The following TRAF3IP2 variants were observed in gnomAD, a reference collection of about 807,000 sequenced individuals.
The protein encoded by TRAF3IP2 is E3 ubiquitin ligase TRAF3IP2.
A neutral mutation model predicts 57.9 loss-of-function variants in TRAF3IP2; 35 were observed. The observed-to-expected ratio is 0.60, with a 90% CI of 0.46 to 0.80. The LOEUF (loss-of-function observed/expected upper bound fraction) is 0.80, where lower values mean the gene tolerates loss of function less well. Ranked by LOEUF, TRAF3IP2 falls within the 30% of genes least tolerant of loss-of-function variation. The probability of loss-of-function intolerance (pLI) is 0.00; values close to 1 mark genes in which losing one functional copy is unlikely to be tolerated. For missense variants in TRAF3IP2, 556 were observed against 706.4 expected (o/e 0.79, Z 2.41); for synonymous variants, 251 against 268.9 (o/e 0.93, Z 0.65).
At chr6:111,576,622 C>T (rs1795998478) in intron 3 of TRAF3IP2, 1 of 152,218 alleles carries the variant, frequency 6.6e-6, no homozygotes, top group African/African-American at 2.4e-5. Flanking sequence ...TTGCAGTGGT[C>T]ACAGCGGTGT....
In TRAF3IP2 at chr6:111,591,498, T is replaced by C. The variant is rs1322057765; in HGVS notation, c.589A>G (p.Thr197Ala). The C allele has an allele frequency of 6.2e-7, 1 of 1,610,648 alleles. No individual in the cohort carries two copies. ...TCCTGGGGCTGGGAATCATATCCCG[T>C]GTCTATGGTTGGCAGATCCAGGCCT... Reference protein sequence around the residue: ...RAGLDLPTIDTGYDSQPQDVL... With the variant: ...RAGLDLPTIDAGYDSQPQDVL... Residue 197 changes from threonine to alanine, a missense_variant, in exon 2 of 9, where the codon ACG (threonine) becomes GCG (alanine). By Grantham distance (58) the Thr-to-Ala change is moderately conservative. Coordinates refer to ENST00000368761, the MANE Select transcript of TRAF3IP2 (RefSeq NM_147686.4). This position sits in a 1 kb window ranked among gnomAD's most constrained non-coding sequence, Gnocchi z 4.9.
At position 111,575,704 on chromosome 6, in the gene TRAF3IP2, T is replaced by A; in HGVS notation, c.1140A>T (p.Arg380Ser). 1.2e-6 allele frequency: 2 copies of A among 1,611,714 alleles called. No homozygotes were observed. Among genetic ancestry groups the A allele is most frequent in the Non-Finnish European group, 1.7e-6 (2 of 1,179,516 alleles). Residue 380 changes from arginine (R) to serine (S), a missense_variant, in exon 4 of 9, where the codon AGA becomes AGT. Physicochemically the swap from Arg to Ser is moderately radical, Grantham distance 110 (BLOSUM62 -1). Coordinates refer to ENST00000368761, the MANE Select transcript of TRAF3IP2 (RefSeq NM_147686.4). Reference sequence around the variant, plus strand: ...CTCTGGCTGGAGGGTTGCTAGGGGGTCTAGGCACAGCAGCTGGGGACGGAG... The same window carrying A: ...CTCTGGCTGGAGGGTTGCTAGGGGGACTAGGCACAGCAGCTGGGGACGGAG... ...PQPPSPAAVP[R>S]PPSNPPARGT...
intron 1 of TRAF3IP2, among the ~76,000 whole-genome samples, chr6:111,593,113 G>A (rs954607911): frequency 6.6e-6 from 1 of 152,238 alleles, no homozygotes; most frequent in African/African-American, 2.4e-5. Flanking sequence ...GCAGTCCAGA[G>A]GACTGCACAG....
At chr6:111,562,687 T>C (rs1562417696) in intron 8 of TRAF3IP2, among the ~76,000 whole-genome samples, 1 of 151,202 alleles carries the variant, frequency 6.6e-6, no homozygotes, top group African/African-American at 2.4e-5. Context: ...CTACTAAAAA[T>C]AAAAAAAATT....
At chr6:111,589,471 C>G (rs191053645) in intron 2 of TRAF3IP2, among the ~76,000 whole-genome samples, 33 of 152,320 alleles carry the variant, frequency 2.2e-4, no homozygotes, top group Admixed American at 4.6e-4. Context: ...AGAAATACAG[C>G]CTTGACCTTG....
rs534215407 is a variant in TRAF3IP2, at chr6:111,571,280, GT to G, written c.1290+1614del. ...TTTTGTAGAGATAGGGTTTCACTAT[GT>G]TGTCCAGGCTGGTCTTGAACTCCTG... On this transcript the variant is annotated intron_variant, in intron 5 of 8. Transcript: ENST00000368761. Among the ~76,000 whole-genome samples, 368 of 152,224 alleles carry G rather than the reference GT, an allele frequency of 2.4e-3. 1 individual carries two copies. The highest frequency in any genetic ancestry group is 8.6e-3 in the African/African-American group (356 of 41,542).
intron 2 of TRAF3IP2, among the ~76,000 whole-genome samples, chr6:111,585,621 T>C (rs1024372689): frequency 4.6e-5 from 7 of 152,136 alleles, no homozygotes; most frequent in African/African-American, 1.7e-4. Context: ...AGGGGAGACA[T>C]ATGAGTCGAC....
At chr6:111,584,755 G>A (rs965301146) in intron 2 of TRAF3IP2, among the ~76,000 whole-genome samples, 3 of 151,828 alleles carry the variant, frequency 2.0e-5, no homozygotes, top group Admixed American at 6.6e-5. Context: ...TTACTATGAC[G>A]AAGGCTTGCC....
At chr6:111,567,355 T>C in intron 6 of TRAF3IP2, 1 of 1,199,730 alleles carries the variant, frequency 8.3e-7, no homozygotes, top group South Asian at 2.9e-5. Flanking sequence ...TTTCCTTCTT[T>C]CCTATTCTCG....
intron 7 of TRAF3IP2, 88 bp downstream of exon 7, chr6:111,566,356 G>T (rs1795633113): frequency 1.9e-6 from 2 of 1,057,738 alleles, no homozygotes; most frequent in South Asian, 1.4e-5. Flanking sequence ...GCTGCCTTCA[G>T]CTGGTCTCTG....
Position 111,559,404 on chromosome 6 carries a change from G to A in TRAF3IP2, c.*1C>T. 1 of 1,613,070 alleles carries A rather than the reference G, an allele frequency of 6.2e-7. No individual in the cohort carries two copies. The highest frequency in any genetic ancestry group is 1.1e-5 in the South Asian group (1 of 90,978). On this transcript the variant is annotated 3_prime_UTR_variant, in exon 9 of 9. Transcript: ENST00000368761. ...CCTCAGTGATCTGGGGATGAACGGTGTCACAAGGGAACCACCTGAAGGGTG... is the reference window on the plus strand; with the variant it reads ...CCTCAGTGATCTGGGGATGAACGGTATCACAAGGGAACCACCTGAAGGGTG...
intron 1 of TRAF3IP2, 108 bp from the exon 2 acceptor site, chr6:111,592,202 T>A: frequency 1.1e-6 from 1 of 946,298 alleles, no homozygotes; most frequent in Non-Finnish European, 1.6e-6. Context: ...AAATTAACAG[T>A]GAGACACCAA....
In TRAF3IP2 at chr6:111,601,214, T is replaced by A. The variant is rs769750075; in HGVS notation, c.-9+4562A>T. 4 of 779,220 alleles carry A rather than the reference T, an allele frequency of 5.1e-6. No homozygotes were observed. In the African/African-American group the frequency reaches 6.8e-5, roughly 13 times the overall value. The allele number at this position is 779,220 out of a possible 1,614,324, so 48.3% of individuals were successfully genotyped here. On this transcript the variant is annotated intron_variant, in intron 1 of 8. Coordinates refer to ENST00000368761, the MANE Select transcript of TRAF3IP2 (RefSeq NM_147686.4). Reference sequence around the variant, plus strand: ...CATTCACCTTGAAGCTGAGGAGGCATGGAAGCAGGCCACCTGTGTTCTGTA... The same window carrying A: ...CATTCACCTTGAAGCTGAGGAGGCAAGGAAGCAGGCCACCTGTGTTCTGTA...
At chr6:111,579,316 C>CAAA (rs529040872) in intron 3 of TRAF3IP2, among the ~76,000 whole-genome samples, 20 of 69,808 alleles carry the variant, frequency 2.9e-4, no homozygotes, top group South Asian at 1.4e-3. Context: ...GGCTCCATCT[C>CAAA]AAAAAAAAAA....
chr6:111,599,296 C>A (rs2128385680), intron 1 of TRAF3IP2, among the ~76,000 whole-genome samples: 1 of 152,248 alleles, frequency 6.6e-6, no homozygotes, highest in South Asian at 2.1e-4. Flanking sequence ...CATCTTCCCT[C>A]AAATATGTCA....
intron 3 of TRAF3IP2, among the ~76,000 whole-genome samples, chr6:111,578,925 T>G (rs1459109851): frequency 6.6e-6 from 1 of 152,236 alleles, no homozygotes; most frequent in African/African-American, 2.4e-5. Flanking sequence ...TAATCTACTT[T>G]CTTCCAAATA....
chr6:111,563,143 A>G, intron 7 of TRAF3IP2, 104 bp from the exon 8 acceptor site: 1 of 797,550 alleles, frequency 1.3e-6, no homozygotes, highest in Admixed American at 2.1e-5. Context: ...TCTGATTTCC[A>G]TACTTGAGTG....
intron 5 of TRAF3IP2, among the ~76,000 whole-genome samples, chr6:111,571,078 CT>C (rs1279272695): frequency 1.5e-3 from 196 of 130,710 alleles, no homozygotes; most frequent in African/African-American, 2.2e-3. Context: ...ACTTTTTTTT[CT>C]TTTTTTTTTT....
At position 111,559,331 on chromosome 6, in the gene TRAF3IP2, C is replaced by T. The variant is rs1486080410; in HGVS notation, c.*74G>A. The T allele has an allele frequency of 1.9e-6, 3 of 1,549,002 alleles. No homozygotes were observed. The highest frequency in any genetic ancestry group is 4.0e-5 in the Admixed American group (2 of 49,928). On this transcript the variant is annotated 3_prime_UTR_variant, in exon 9 of 9. Transcript: ENST00000368761. ...AAAACCAGCCAGGAGTGCTACCGAC[C>T]AGCCTCAGCCAGAATGCTGTCAGAA...
Sources: gnomAD v4.1 joint callset for allele counts (sites outside exome capture counted in the v4.1 genomes callset) on GRCh38, gnomAD v4.1.1 for gene constraint, Gnocchi (gnomAD v3.1) non-coding constraint, MANE v1.5 for transcripts, NCBI Gene and HGNC (gene_info 2026-07-23, HGNC 2026-07-21) for gene names.